The following CDH8 variants were observed in gnomAD, a reference collection of about 807,000 sequenced individuals.
CDH8 encodes cadherin-8.
CDH8 carries 17 observed loss-of-function variants against 68.1 expected under a neutral mutation model. That is an observed-to-expected ratio of 0.25 (90% CI 0.17 to 0.37). The LOEUF (loss-of-function observed/expected upper bound fraction) is 0.37. Ranked by LOEUF, CDH8 falls within the 10% of genes least tolerant of loss-of-function variation. The probability of loss-of-function intolerance (pLI) is 1.00; values close to 1 mark genes in which losing one functional copy is unlikely to be tolerated. For missense variants in CDH8, 763 were observed against 999.3 expected, an observed-to-expected ratio of 0.76 and a Z score of 3.19; for synonymous variants, 372 against 365.1, an observed-to-expected ratio of 1.02 and a Z score of -0.21.
In CDH8 at chr16:61,783,633, T is replaced by G. The variant is rs1406376168; in HGVS notation, c.1414+5713A>C. Among the ~76,000 whole-genome samples, 23 of 149,746 alleles carry G rather than the reference T, an allele frequency of 1.5e-4. No individual in the cohort carries two copies. The South Asian group carries it at 4.5e-3, about 29-fold the overall frequency. ...GAAGAGCAACTCCAAGACACATAAT[T>G]GTCAGATTCACCAAAGTTGAAATGA... On this transcript the variant is annotated intron_variant, in intron 8 of 11. Coordinates refer to ENST00000577390, the MANE Select transcript of CDH8 (RefSeq NM_001796.5).
At chr16:61,723,838 T>C (rs928662396) in intron 9 of CDH8, among the ~76,000 whole-genome samples, 10 of 150,620 alleles carry the variant, frequency 6.6e-5, no homozygotes, top group African/African-American at 2.4e-4. Context: ...AATATCCTGT[T>C]TAACCCTCCT....
At chr16:61,810,183 CAACT>C (rs1443899120) in intron 7 of CDH8, among the ~76,000 whole-genome samples, 2 of 152,132 alleles carry the variant, frequency 1.3e-5, no homozygotes, top group African/African-American at 4.8e-5. Context: ...CACTGAACTC[CAACT>C]GTTTCTTTCT....
chr16:61,672,222 G>A (rs934373348), intron 10 of CDH8, among the ~76,000 whole-genome samples: 4 of 151,988 alleles, frequency 2.6e-5, no homozygotes, highest in African/African-American at 9.7e-5. Flanking sequence ...AGAATCAGAA[G>A]AGTTATGCTT....
intron 2 of CDH8, among the ~76,000 whole-genome samples, chr16:61,901,763 ATG>A (rs1486321166): frequency 1.3e-5 from 2 of 152,204 alleles, no homozygotes; most frequent in Non-Finnish European, 2.9e-5. Flanking sequence ...ACAAAAATAT[ATG>A]TGTTATTTTC....
intron 3 of CDH8, among the ~76,000 whole-genome samples, chr16:61,893,048 T>C (rs1391237542): frequency 6.6e-6 from 1 of 152,086 alleles, no homozygotes; most frequent in Non-Finnish European, 1.5e-5. Context: ...GTTTATTCTC[T>C]CAGAAGTCTG....
intron 8 of CDH8, among the ~76,000 whole-genome samples, chr16:61,748,055 T>C (rs1960066720): frequency 1.3e-5 from 2 of 152,082 alleles, no homozygotes; most frequent in South Asian, 2.1e-4. Context: ...GGTTGACTTC[T>C]TCCTCAGCAC....
In CDH8 at chr16:61,847,817, TA is replaced by T. The variant is rs1962842707; in HGVS notation, c.667+9301del. On this transcript the variant is annotated intron_variant, in intron 4 of 11. Coordinates refer to ENST00000577390, the MANE Select transcript of CDH8 (RefSeq NM_001796.5). Reference sequence around the variant, plus strand: ...AAGGAGGGAACTACAACAATAAACATAAAAGATTACTGTCTATATCTATCAA... The same window carrying T: ...AAGGAGGGAACTACAACAATAAACATAAAGATTACTGTCTATATCTATCAA... Among the ~76,000 whole-genome samples, 3 of 151,616 alleles carry T rather than the reference TA, an allele frequency of 2.0e-5. No individual in the cohort carries two copies. In the South Asian group the frequency reaches 6.2e-4, roughly 32 times the overall value.
intron 3 of CDH8, among the ~76,000 whole-genome samples, chr16:61,888,691 T>A (rs955919562): frequency 6.6e-6 from 1 of 152,176 alleles, no homozygotes; most frequent in Non-Finnish European, 1.5e-5. Context: ...TAAATATTAA[T>A]CCCTATGTAA....
At chr16:61,802,090 T>C (rs1961658753) in intron 7 of CDH8, among the ~76,000 whole-genome samples, 2 of 141,990 alleles carry the variant, frequency 1.4e-5, no homozygotes, top group Non-Finnish European at 3.0e-5. Context: ...AAGAGAGCAG[T>C]GGTTCTCCCA....
chr16:61,925,510 G>A (rs960559137), intron 2 of CDH8, among the ~76,000 whole-genome samples: 5 of 152,174 alleles, frequency 3.3e-5, no homozygotes, highest in Non-Finnish European at 7.4e-5. Flanking sequence ...TGTTAGAGAT[G>A]TGACTTTGAT....
At chr16:62,005,813 G>C (rs1234282370) in intron 2 of CDH8, among the ~76,000 whole-genome samples, 1 of 151,764 alleles carries the variant, frequency 6.6e-6, no homozygotes, top group African/African-American at 2.4e-5. Context: ...ATATTTGCCA[G>C]TGTAAGTAGG....
intron 2 of CDH8, among the ~76,000 whole-genome samples, chr16:61,930,025 T>C (rs910808889): frequency 6.6e-6 from 1 of 152,214 alleles, no homozygotes; most frequent in Non-Finnish European, 1.5e-5. Context: ...TCTATGACTC[T>C]GTTCCATAAC....
At chr16:61,921,477 A>G (rs1385747721) in intron 2 of CDH8, among the ~76,000 whole-genome samples, 2 of 152,156 alleles carry the variant, frequency 1.3e-5, no homozygotes, top group Non-Finnish European at 2.9e-5. Context: ...ACCCACATCA[A>G]AATCTGAGCT....
At chr16:61,816,531 T>C (rs1482116936) in intron 7 of CDH8, among the ~76,000 whole-genome samples, 1 of 152,150 alleles carries the variant, frequency 6.6e-6, no homozygotes. Context: ...TTCTTTAAAA[T>C]TGTATTCCTC....
rs1457736880 is a variant in CDH8 at position 61,801,793 on chromosome 16, C to G, written c.1278-12311G>C. On this transcript the variant is annotated intron_variant, in intron 7 of 11. Coordinates refer to ENST00000577390, the MANE Select transcript of CDH8 (RefSeq NM_001796.5). ...AGCGGCGAACCATGAGATTATATCC[C>G]ACACCTGGCTCGGAGGGCCCTACGC... 9.2e-5 allele frequency among the ~76,000 whole-genome samples: 14 copies of G among 152,350 alleles called. No homozygotes were observed. The East Asian group carries it at 9.7e-4, about 11-fold the overall frequency.
intron 9 of CDH8, among the ~76,000 whole-genome samples, chr16:61,721,001 T>G (rs966067710): frequency 1.3e-5 from 2 of 150,328 alleles, no homozygotes; most frequent in Admixed American, 6.7e-5. Context: ...CTAGTTATTC[T>G]GAAGATTTTA....
At chr16:61,882,144 C>T (rs1441216370) in intron 3 of CDH8, among the ~76,000 whole-genome samples, 1 of 152,144 alleles carries the variant, frequency 6.6e-6, no homozygotes, top group African/African-American at 2.4e-5. Context: ...AAGAAAACTG[C>T]CTTTCTAACC....
At chr16:61,789,562 G>A in intron 7 of CDH8, 80 bp from the exon 8 acceptor site, 3 of 1,284,196 alleles carry the variant, frequency 2.3e-6, no homozygotes, top group Non-Finnish European at 2.1e-6. Context: ...AGTAATCCTT[G>A]GAGAGCCATA....
chr16:61,865,157 A>G (rs1163178709), intron 3 of CDH8, among the ~76,000 whole-genome samples: 2 of 152,172 alleles, frequency 1.3e-5, no homozygotes, highest in African/African-American at 4.8e-5. Flanking sequence ...ATGGAGACAG[A>G]TTCTTAACTG....
Sources: gnomAD v4.1 joint callset for allele counts (sites outside exome capture counted in the v4.1 genomes callset) on GRCh38, gnomAD v4.1.1 for gene constraint, MANE v1.5 for transcripts, NCBI Gene and HGNC (gene_info 2026-07-23, HGNC 2026-07-21) for gene names.